Variants in IL1RAPL2 observed in about 807,000 individuals in gnomAD.
IL1RAPL2 encodes the protein X-linked interleukin-1 receptor accessory protein-like 2.
A neutral mutation model predicts 44.1 loss-of-function variants in IL1RAPL2; 3 were observed. The ratio of observed to expected loss-of-function variants is 0.07; its 90% confidence interval spans 0.03 to 0.18. The LOEUF (loss-of-function observed/expected upper bound fraction) is 0.18, where lower values mean the gene tolerates loss of function less well. Among genes scored for constraint, IL1RAPL2 ranks in the 10% least tolerant of loss-of-function variants. The pLI is 1.00. For synonymous variants in IL1RAPL2, 181 were observed against 178.8 expected (o/e 1.01, Z -0.10); for missense variants, 391 against 496.4 (o/e 0.79, Z 2.02).
chrX:105,099,522 T>C (rs1381426725), intron 2 of IL1RAPL2, among the ~76,000 whole-genome samples: 1 of 90,224 alleles, frequency 1.1e-5, no homozygotes, highest in African/African-American at 4.2e-5. Context: ...TGGAGTACAG[T>C]GGCGCGATCT....
At chrX:105,062,478 T>C (rs1424852053) in intron 2 of IL1RAPL2, among the ~76,000 whole-genome samples, 1 of 111,834 alleles carries the variant, frequency 8.9e-6, no homozygotes, top group East Asian at 2.8e-4. Context: ...CACACTACAC[T>C]CATAGTATTA....
At chrX:104,711,249 A>G (rs774490362) in intron 2 of IL1RAPL2, among the ~76,000 whole-genome samples, 12 of 111,440 alleles carry the variant, frequency 1.1e-4, no homozygotes, top group Admixed American at 1.9e-4. Flanking sequence ...GTGTAAGTAC[A>G]CTCTGTGAAT....
chrX:104,990,440 A>G (rs2030641454), intron 2 of IL1RAPL2, among the ~76,000 whole-genome samples: 1 of 111,082 alleles, frequency 9.0e-6, no homozygotes, highest in Non-Finnish European at 1.9e-5. Context: ...CAATGGTAGC[A>G]TTCTTTTTGA....
At chrX:104,850,925 T>G (rs956447470) in intron 2 of IL1RAPL2, among the ~76,000 whole-genome samples, 3 of 111,339 alleles carry the variant, frequency 2.7e-5, no homozygotes, top group African/African-American at 9.8e-5. Flanking sequence ...GCCTACCAGT[T>G]GAAAAATGTG....
chrX:105,040,351 T>C (rs1390388925), intron 2 of IL1RAPL2, among the ~76,000 whole-genome samples: 1 of 111,418 alleles, frequency 9.0e-6, no homozygotes, highest in African/African-American at 3.3e-5. Context: ...TCTTTTTTAG[T>C]TGTGTCTCTG....
At chrX:104,587,553 G>T (rs1928584037) in intron 1 of IL1RAPL2, among the ~76,000 whole-genome samples, 1 of 112,142 alleles carries the variant, frequency 8.9e-6, no homozygotes, top group South Asian at 3.7e-4. Flanking sequence ...AATCGCATGA[G>T]CACCCCTCCT....
intron 1 of IL1RAPL2, among the ~76,000 whole-genome samples, chrX:104,611,514 C>G (rs927340409): frequency 4.5e-5 from 5 of 110,939 alleles, no homozygotes; most frequent in Admixed American, 9.7e-5. Context: ...CTCCAGCATC[C>G]CAGGTTGATT....
intron 5 of IL1RAPL2, among the ~76,000 whole-genome samples, chrX:105,311,659 C>T (rs1010661692): frequency 9.5e-6 from 1 of 105,197 alleles, no homozygotes; most frequent in Non-Finnish European, 2.0e-5. Flanking sequence ...TATATATATA[C>T]ACACAGACAC....
At chrX:104,676,595 G>T (rs1363934208) in intron 2 of IL1RAPL2, among the ~76,000 whole-genome samples, 2 of 111,005 alleles carry the variant, frequency 1.8e-5, no homozygotes, top group Non-Finnish European at 3.8e-5. Flanking sequence ...TTATCTTCTC[G>T]AGGAGTATCT....
intron 5 of IL1RAPL2, among the ~76,000 whole-genome samples, chrX:105,438,279 G>A (rs1011691557): frequency 9.0e-6 from 1 of 111,097 alleles, no homozygotes; most frequent in Non-Finnish European, 1.9e-5. Flanking sequence ...CCAGATAATG[G>A]GTATGTGCCA....
rs1930005297 is a variant in IL1RAPL2 at position 104,644,926 on chromosome X, T to C, written c.-19-13969T>C. ...TACACCACTGATCTGTTTCTGACAA[T>C]CTTCTTTTGGTTAACAGCCTTTTTA... is the stretch of plus-strand genomic sequence containing the variant. On this transcript the variant is annotated intron_variant, in intron 1 of 10. Coordinates refer to ENST00000372582, the MANE Select transcript of IL1RAPL2 (RefSeq NM_017416.2). 2.7e-5 allele frequency among the ~76,000 whole-genome samples: 3 copies of C among 111,707 alleles called. No individual in the cohort carries two copies. The Admixed American group carries it at 2.9e-4, about 11-fold the overall frequency.
At position 105,043,080 on chromosome X, in the gene IL1RAPL2, G is replaced by T. The variant is rs1225968737; in HGVS notation, c.83-152395G>T. Among the ~76,000 whole-genome samples, 32 of 73,782 alleles carry T rather than the reference G, an allele frequency of 4.3e-4. 1 individual carries two copies. The highest frequency in any genetic ancestry group is 1.6e-3 in the African/African-American group (31 of 19,320). The allele number at this position is 73,782 out of a possible 115,157, so 64.1% of individuals were successfully genotyped here. ...ACATCACACTCTGGGGACTGTTGTGGGGTGGGGGGAGGGGGGAGGGAGAGC... is the reference window on the plus strand; with the variant it reads ...ACATCACACTCTGGGGACTGTTGTGTGGTGGGGGGAGGGGGGAGGGAGAGC... On this transcript the variant is annotated intron_variant, in intron 2 of 10. Coordinates refer to ENST00000372582, the MANE Select transcript of IL1RAPL2 (RefSeq NM_017416.2).
chrX:105,260,340 C>A (rs1469696437), intron 4 of IL1RAPL2, among the ~76,000 whole-genome samples: 1 of 112,104 alleles, frequency 8.9e-6, no homozygotes, highest in East Asian at 2.8e-4. Context: ...AGAACACCAA[C>A]AGGGGTGGCT....
chrX:105,142,657 T>C lies in IL1RAPL2; in HGVS notation c.83-52818T>C, dbSNP rs765941306. On this transcript the variant is annotated intron_variant, in intron 2 of 10. Transcript: ENST00000372582. The stretch of plus-strand genomic sequence containing the variant: ...TTTATTATTATTATACTTTAAGTTT[T>C]AGGGTACATGCACGTAACATGCAGG... Among the ~76,000 whole-genome samples the C allele has an allele frequency of 2.7e-5, 3 of 110,155 alleles. No individual in the cohort carries two copies. In the South Asian group the frequency reaches 1.2e-3, roughly 44 times the overall value.
At chrX:104,656,344 A>G (rs972116531) in intron 1 of IL1RAPL2, among the ~76,000 whole-genome samples, 2 of 111,962 alleles carry the variant, frequency 1.8e-5, no homozygotes, top group Non-Finnish European at 3.8e-5. Flanking sequence ...ACACTGCTTT[A>G]AATGTGTCCC....
At chrX:104,752,093 CAG>C (rs1005831968) in intron 2 of IL1RAPL2, among the ~76,000 whole-genome samples, 11 of 110,958 alleles carry the variant, frequency 9.9e-5, no homozygotes, top group African/African-American at 3.6e-4. Flanking sequence ...CAAGGAAAAA[CAG>C]GGGTTGAAGC....
At chrX:104,688,721 G>A (rs1185398191) in intron 2 of IL1RAPL2, among the ~76,000 whole-genome samples, 2 of 111,848 alleles carry the variant, frequency 1.8e-5, no homozygotes, top group African/African-American at 6.5e-5. Context: ...ATTATATTCA[G>A]CACTGATTGG....
intron 2 of IL1RAPL2, among the ~76,000 whole-genome samples, chrX:104,741,098 T>C (rs1406657276): frequency 9.0e-6 from 1 of 111,704 alleles, no homozygotes; most frequent in Non-Finnish European, 1.9e-5. Flanking sequence ...AAGAGAGCCA[T>C]TGTAATAAGA....
intron 2 of IL1RAPL2, among the ~76,000 whole-genome samples, chrX:104,985,758 C>T (rs1299342795): frequency 1.8e-5 from 2 of 112,053 alleles, no homozygotes; most frequent in South Asian, 3.7e-4. Flanking sequence ...CCTTAAAAAA[C>T]GTTTCTCAGA....
Sources: allele counts gnomAD v4.1 joint callset (sites outside exome capture counted in the v4.1 genomes callset), GRCh38; gene constraint gnomAD v4.1.1; transcripts MANE v1.5; gene names NCBI Gene and HGNC (gene_info 2026-07-23, HGNC 2026-07-21).